Variants in HS6ST3 observed in about 807,000 individuals in gnomAD.
HS6ST3 encodes the protein heparan-sulfate 6-O-sulfotransferase 3.
Under a neutral mutation model 36.7 loss-of-function variants are expected in HS6ST3, and 12 were observed. The observed-to-expected ratio is 0.33, with a 90% CI of 0.21 to 0.53. The LOEUF is 0.53. HS6ST3 is among the 20% of genes least tolerant of loss of function. The pLI, the probability that HS6ST3 is intolerant of heterozygous loss-of-function variation, is 0.95. For synonymous variants in HS6ST3, 240 were observed against 257.5 expected (o/e 0.93, Z 0.65); for missense variants, 584 against 640.9 (o/e 0.91, Z 0.96).
At chr13:96,749,637 G>GT (rs112782725) in intron 1 of HS6ST3, among the ~76,000 whole-genome samples, 7,505 of 151,906 alleles carry the variant, frequency 0.049, 262 homozygotes, top group African/African-American at 0.1. Context: ...TTATTGCCTT[G>GT]TTTTTTTGGT....
At chr13:96,763,677 C>T (rs1877024198) in intron 1 of HS6ST3, among the ~76,000 whole-genome samples, 1 of 152,078 alleles carries the variant, frequency 6.6e-6, no homozygotes, top group Non-Finnish European at 1.5e-5. Context: ...AGATTCTTAG[C>T]TCCTTTTGCT....
At chr13:96,633,119 G>A (rs1330073676) in intron 1 of HS6ST3, among the ~76,000 whole-genome samples, 2 of 152,166 alleles carry the variant, frequency 1.3e-5, no homozygotes, top group Non-Finnish European at 2.9e-5. Flanking sequence ...TGAAAACATG[G>A]AGGAGTGATG....
At chr13:96,803,160 G>A (rs1878121459) in intron 1 of HS6ST3, among the ~76,000 whole-genome samples, 1 of 150,636 alleles carries the variant, frequency 6.6e-6, no homozygotes, top group South Asian at 2.1e-4. Flanking sequence ...CATTCCCCCA[G>A]TGGAGGCTGG....
At chr13:96,765,338 C>T (rs747841242) in intron 1 of HS6ST3, among the ~76,000 whole-genome samples, 6 of 152,056 alleles carry the variant, frequency 3.9e-5, no homozygotes, top group Non-Finnish European at 2.9e-5. Context: ...TCCCAAAGTG[C>T]TGGGATTACA....
chr13:96,776,211 G>A (rs374921192), intron 1 of HS6ST3, among the ~76,000 whole-genome samples: 12 of 151,806 alleles, frequency 7.9e-5, no homozygotes, highest in Admixed American at 1.3e-4. Context: ...GGAATTTTAC[G>A]GCACTAAATG....
At chr13:96,118,956 C>T (rs1045418831) in intron 1 of HS6ST3, among the ~76,000 whole-genome samples, 9 of 150,120 alleles carry the variant, frequency 6.0e-5, no homozygotes, top group South Asian at 2.1e-4. Flanking sequence ...ATGATCCACC[C>T]GCCTCGGCCT....
At chr13:96,681,794 T>C (rs2056719201) in intron 1 of HS6ST3, among the ~76,000 whole-genome samples, 4 of 152,134 alleles carry the variant, frequency 2.6e-5, no homozygotes, top group Admixed American at 1.3e-4. Context: ...TAAGTCTGGA[T>C]TTGCTGAACT....
intron 1 of HS6ST3, among the ~76,000 whole-genome samples, chr13:96,643,820 G>A (rs992008788): frequency 6.6e-6 from 1 of 151,922 alleles, no homozygotes; most frequent in African/African-American, 2.4e-5. Flanking sequence ...ATTGTGGCCT[G>A]TTGGTTTTTA....
intron 1 of HS6ST3, among the ~76,000 whole-genome samples, chr13:96,444,178 G>C (rs2055687132): frequency 6.6e-6 from 1 of 151,890 alleles, no homozygotes; most frequent in South Asian, 2.1e-4. Flanking sequence ...TTTAAATCAT[G>C]GGCATGATAA....
chr13:96,572,035 A>C (rs951040687), intron 1 of HS6ST3, among the ~76,000 whole-genome samples: 3 of 152,234 alleles, frequency 2.0e-5, no homozygotes, highest in African/African-American at 7.2e-5. Flanking sequence ...CTAAGCCAGA[A>C]GACTGTGCTC....
At chr13:96,819,632 A>G (rs940952184) in intron 1 of HS6ST3, among the ~76,000 whole-genome samples, 13 of 152,222 alleles carry the variant, frequency 8.5e-5, no homozygotes, top group African/African-American at 2.7e-4. Flanking sequence ...AGCACCTCGC[A>G]TAGTGTTTCT....
intron 1 of HS6ST3, among the ~76,000 whole-genome samples, chr13:96,478,835 G>A (rs960888638): frequency 1.3e-5 from 2 of 152,128 alleles, no homozygotes; most frequent in Non-Finnish European, 1.5e-5. Flanking sequence ...CTTGCCTAGG[G>A]TCACAAAGTT....
intron 1 of HS6ST3, among the ~76,000 whole-genome samples, chr13:96,506,552 T>C (rs998664278): frequency 6.6e-6 from 1 of 152,178 alleles, no homozygotes; most frequent in South Asian, 2.1e-4. Context: ...CTTATTTTCC[T>C]ATTGAATGCT....
intron 1 of HS6ST3, among the ~76,000 whole-genome samples, chr13:96,117,285 T>C (rs2053898229): frequency 6.6e-6 from 1 of 152,290 alleles, no homozygotes; most frequent in East Asian, 1.9e-4. Flanking sequence ...CTAACAAGAT[T>C]AACATTGTAA....
chr13:96,329,863 C>T (rs1425388654), intron 1 of HS6ST3, among the ~76,000 whole-genome samples: 7 of 134,214 alleles, frequency 5.2e-5, no homozygotes, highest in Admixed American at 3.7e-4. Context: ...AATCTGGGTG[C>T]TCCTGTATTG....
intron 1 of HS6ST3, among the ~76,000 whole-genome samples, chr13:96,196,805 C>T (rs1473077965): frequency 6.6e-6 from 1 of 152,152 alleles, no homozygotes; most frequent in Non-Finnish European, 1.5e-5. Flanking sequence ...GTTACAAGAC[C>T]CCACTATTTA....
At chr13:96,252,147 T>A (rs1219864642) in intron 1 of HS6ST3, among the ~76,000 whole-genome samples, 1 of 152,210 alleles carries the variant, frequency 6.6e-6, no homozygotes, top group Non-Finnish European at 1.5e-5. Flanking sequence ...CTACTATGAT[T>A]GTATTGCTGT....
At chr13:96,460,200 T>C (rs2055777212) in intron 1 of HS6ST3, among the ~76,000 whole-genome samples, 1 of 152,176 alleles carries the variant, frequency 6.6e-6, no homozygotes, top group Non-Finnish European at 1.5e-5. Context: ...ACCCCACTAC[T>C]GTGCCATTAT....
chr13:96,671,877 G>A (rs552232299), intron 1 of HS6ST3, among the ~76,000 whole-genome samples: 53 of 152,144 alleles, frequency 3.5e-4, no homozygotes, highest in Middle Eastern at 6.8e-3. Context: ...TCCTAACACC[G>A]AGTTATGATT....
Sources: allele counts gnomAD v4.1 joint callset (sites outside exome capture counted in the v4.1 genomes callset), GRCh38; gene constraint gnomAD v4.1.1; transcripts MANE v1.5; gene names NCBI Gene and HGNC (gene_info 2026-07-23, HGNC 2026-07-21).